Variants in GPR139 observed in about 807,000 individuals in gnomAD.
The protein encoded by GPR139 is G protein-coupled receptor 139.
GPR139 carries 12 observed loss-of-function variants against 25.8 expected under a neutral mutation model. The observed-to-expected ratio is 0.47, with a 90% CI of 0.30 to 0.75. The LOEUF is 0.75. Ranked by LOEUF, GPR139 falls within the 30% of genes least tolerant of loss-of-function variation. The probability of loss-of-function intolerance (pLI) is 0.07; values close to 1 mark genes in which losing one functional copy is unlikely to be tolerated. For missense variants in GPR139, 380 were observed against 450.2 expected (o/e 0.84, Z 1.41); for synonymous variants, 184 against 179.9 (o/e 1.02, Z -0.18).
intron 1 of GPR139, chr16:20,071,031 A>T: frequency 1.0e-6 from 1 of 983,066 alleles, no homozygotes; most frequent in Non-Finnish European, 1.2e-6. Context: ...ATCTATGACC[A>T]CAGCAGTGCA....
Position 20,056,907 on chromosome 16 carries a change from G to C in GPR139, c.127+16583C>G, listed in dbSNP as rs188203142. 2.4e-3 allele frequency among the ~76,000 whole-genome samples: 371 copies of C among 152,292 alleles called. 2 individuals are homozygous for C. Among genetic ancestry groups the C allele is most frequent in the Middle Eastern group, 6.8e-3 (2 of 294 alleles). On this transcript the variant is annotated intron_variant, in intron 1 of 1. Coordinates refer to ENST00000570682, the MANE Select transcript of GPR139 (RefSeq NM_001002911.4). ...ACTCAATTTCCATTTTGTAAGTTAG[G>C]TGTGGGGTGTAGAGGAAATTCACCT...
intron 1 of GPR139, among the ~76,000 whole-genome samples, chr16:20,043,522 G>A (rs2057343768): frequency 6.6e-6 from 1 of 152,206 alleles, no homozygotes; most frequent in Non-Finnish European, 1.5e-5. Context: ...ATTTCTCCAT[G>A]TAGGGTAGTG....
At chr16:20,069,150 T>C (rs760049289) in intron 1 of GPR139, among the ~76,000 whole-genome samples, 1 of 152,238 alleles carries the variant, frequency 6.6e-6, no homozygotes, top group Non-Finnish European at 1.5e-5. Context: ...GATTTTTTCC[T>C]AATTTTTAAA....
At chr16:20,053,802 G>T (rs2057380133) in intron 1 of GPR139, among the ~76,000 whole-genome samples, 1 of 148,808 alleles carries the variant, frequency 6.7e-6, no homozygotes, top group African/African-American at 2.5e-5. Flanking sequence ...CATAGATGAA[G>T]AATTCTAATT....
At chr16:20,054,333 C>CTGCTAGTAA (rs2057381983) in intron 1 of GPR139, among the ~76,000 whole-genome samples, 1 of 152,078 alleles carries the variant, frequency 6.6e-6, no homozygotes, top group African/African-American at 2.4e-5. Flanking sequence ...GAATCCAAAC[C>CTGCTAGTAA]TGCAGGTTAG....
At position 20,067,148 on chromosome 16, in the gene GPR139, C is replaced by T. The variant is rs376538636; in HGVS notation, c.127+6342G>A. ...ACTCAATCTCACAAAGCAAAACTAA[C>T]ATGATCGTTACAGAAACTAAGCAGG... On this transcript the variant is annotated intron_variant, in intron 1 of 1. Coordinates refer to ENST00000570682, the MANE Select transcript of GPR139 (RefSeq NM_001002911.4). 2.0e-5 allele frequency among the ~76,000 whole-genome samples: 3 copies of T among 152,216 alleles called. No individual in the cohort carries two copies. The East Asian group carries it at 5.8e-4, about 29-fold the overall frequency.
At chr16:20,060,000 C>T (rs2057405592) in intron 1 of GPR139, among the ~76,000 whole-genome samples, 1 of 152,072 alleles carries the variant, frequency 6.6e-6, no homozygotes, top group Non-Finnish European at 1.5e-5. Context: ...AGTGTGGGTC[C>T]CTGATTCCTT....
chr16:20,040,387 G>A (rs1220339462), intron 1 of GPR139, among the ~76,000 whole-genome samples: 2 of 152,038 alleles, frequency 1.3e-5, no homozygotes, highest in African/African-American at 2.4e-5. Flanking sequence ...CACAATAATA[G>A]TACAACTAGT....
chr16:20,072,626 A>T (rs1477277402), intron 1 of GPR139, among the ~76,000 whole-genome samples: 1 of 152,086 alleles, frequency 6.6e-6, no homozygotes, highest in Non-Finnish European at 1.5e-5. Flanking sequence ...TCTCTCGCAC[A>T]CGGCCCAGGC....
chr16:20,048,728 T>C (rs1277174250), intron 1 of GPR139, among the ~76,000 whole-genome samples: 1 of 152,136 alleles, frequency 6.6e-6, no homozygotes, highest in African/African-American at 2.4e-5. Flanking sequence ...ACACACCCCA[T>C]CCCAATACAC....
intron 1 of GPR139, among the ~76,000 whole-genome samples, chr16:20,051,072 A>AAAAAAAG (rs542691880): frequency 0.15 from 21,763 of 144,310 alleles, 2,342 homozygotes; most frequent in East Asian, 0.32. Context: ...CAAAAAAAAA[A>AAAAAAAG]AAAGAAAGAA....
At chr16:20,071,694 G>T (rs545342171) in intron 1 of GPR139, among the ~76,000 whole-genome samples, 1 of 152,306 alleles carries the variant, frequency 6.6e-6, no homozygotes, top group African/African-American at 2.4e-5. Context: ...TGGCATAGGA[G>T]TTGGGATGTG....
intron 1 of GPR139, among the ~76,000 whole-genome samples, chr16:20,032,936 G>C (rs1234947108): frequency 6.6e-6 from 1 of 151,926 alleles, no homozygotes; most frequent in Non-Finnish European, 1.5e-5. Context: ...GGCTCTGAGA[G>C]CCTCACACAG....
intron 1 of GPR139, among the ~76,000 whole-genome samples, chr16:20,064,899 T>A (rs2057425950): frequency 6.6e-6 from 1 of 152,232 alleles, no homozygotes; most frequent in African/African-American, 2.4e-5. Context: ...TTCAAGATGT[T>A]GTTAGCATGC....
rs1185530060 is a variant in GPR139 at position 20,031,810 on chromosome 16, C to T, written c.987G>A (p.Pro329=). 32 of 1,614,012 alleles carry T rather than the reference C, an allele frequency of 2.0e-5. No homozygotes were observed. The East Asian group carries it at 2.5e-4, about 12-fold the overall frequency. Residue 329 remains proline (P), a synonymous_variant, in exon 2 of 2, where the codon CCG becomes CCA. Transcript: ENST00000570682. The part of the protein sequence containing the change: ...FSITSSPWIS[P]ANSHCIKMLV... ...GCATCTTGATGCAGTGTGAGTTTGC[C>T]GGCGAGATCCAGGGGCTACTTGTTA... is the stretch of plus-strand genomic sequence containing the variant.
At chr16:20,056,390 C>T (rs182598854) in intron 1 of GPR139, among the ~76,000 whole-genome samples, 100 of 152,248 alleles carry the variant, frequency 6.6e-4, no homozygotes, top group African/African-American at 1.7e-3. Context: ...AATTTACAAA[C>T]GAAAGAACAA....
intron 1 of GPR139, among the ~76,000 whole-genome samples, chr16:20,069,383 A>T (rs921590153): frequency 3.6e-5 from 5 of 138,876 alleles, no homozygotes; most frequent in African/African-American, 1.3e-4. Context: ...TGTTTATTCC[A>T]TTTTCTCTCA....
In GPR139 at chr16:20,072,251, G is replaced by A. The variant is rs969833673; in HGVS notation, c.127+1239C>T. ...GAGGCTCACACATTAGTAAACTTGC[G>A]CTTTCTCATGCCTGCCAAATTTGGG... is the stretch of plus-strand genomic sequence containing the variant. On this transcript the variant is annotated intron_variant, in intron 1 of 1. Transcript: ENST00000570682. Among the ~76,000 whole-genome samples, 9 of 152,064 alleles carry A rather than the reference G, an allele frequency of 5.9e-5. No individual in the cohort carries two copies. In the South Asian group the frequency reaches 6.2e-4, roughly 11 times the overall value.
intron 1 of GPR139, among the ~76,000 whole-genome samples, chr16:20,067,804 C>CAAAAAAAA (rs35387821): frequency 8.7e-5 from 6 of 68,660 alleles, no homozygotes; most frequent in Admixed American, 4.4e-4. Flanking sequence ...AACTCCATCT[C>CAAAAAAAA]AAAAAAAAAA....
Sources: gnomAD v4.1 joint callset for allele counts (sites outside exome capture counted in the v4.1 genomes callset) on GRCh38, gnomAD v4.1.1 for gene constraint, MANE v1.5 for transcripts, NCBI Gene and HGNC (gene_info 2026-07-23, HGNC 2026-07-21) for gene names.